The following DENND1A variants were observed in gnomAD, a reference collection of about 807,000 sequenced individuals.
The protein encoded by DENND1A is DENN domain containing 1A, also known as DENN domain-containing protein 1A.
In DENND1A, 51 loss-of-function variants were observed where a neutral mutation model predicts 113.7. The ratio of observed to expected loss-of-function variants is 0.45; its 90% confidence interval spans 0.36 to 0.57. The LOEUF (loss-of-function observed/expected upper bound fraction) is 0.57, where lower values mean the gene tolerates loss of function less well. Ranked by LOEUF, DENND1A falls within the 20% of genes least tolerant of loss-of-function variation. The pLI, the probability that DENND1A is intolerant of heterozygous loss-of-function variation, is 0.00. For synonymous variants in DENND1A, 565 were observed against 570.8 expected (o/e 0.99, Z 0.14); for missense variants, 1,258 against 1,395.9 (o/e 0.90, Z 1.57).
chr9:123,507,783 C>G (rs1374594121), intron 13 of DENND1A, among the ~76,000 whole-genome samples: 1 of 151,540 alleles, frequency 6.6e-6, no homozygotes, highest in Non-Finnish European at 1.5e-5. Context: ...ATGATCAGGC[C>G]ACTGCACTGC....
intron 5 of DENND1A, among the ~76,000 whole-genome samples, chr9:123,694,956 C>G (rs1390870607): frequency 6.6e-6 from 1 of 152,104 alleles, no homozygotes; most frequent in Non-Finnish European, 1.5e-5. Context: ...GCAGATCCAC[C>G]CTTAATCTGG....
intron 12 of DENND1A, among the ~76,000 whole-genome samples, chr9:123,558,352 T>C (rs1366192377): frequency 6.6e-6 from 1 of 152,218 alleles, no homozygotes; most frequent in African/African-American, 2.4e-5. Context: ...AAAGGCTTAT[T>C]TATATTTCTC....
intron 13 of DENND1A, among the ~76,000 whole-genome samples, chr9:123,497,293 C>T (rs745378948): frequency 2.6e-5 from 4 of 152,180 alleles, no homozygotes; most frequent in East Asian, 3.8e-4. Context: ...TGACAGAGCA[C>T]GAACAATTGT....
chr9:123,383,463 C>T (rs1049730364), intron 23 of DENND1A, among the ~76,000 whole-genome samples, 192 bp downstream of exon 23: 7 of 152,176 alleles, frequency 4.6e-5, no homozygotes, highest in African/African-American at 9.7e-5. Flanking sequence ...CTTCTCCTAC[C>T]GTCACTGTTA....
intron 23 of DENND1A, among the ~76,000 whole-genome samples, chr9:123,382,965 G>T (rs1404574204): frequency 6.6e-6 from 1 of 152,262 alleles, no homozygotes; most frequent in Non-Finnish European, 1.5e-5. Flanking sequence ...AAGCCCGGGG[G>T]CGCGAGTGAG....
At chr9:123,576,232 T>A (rs1471510452) in intron 12 of DENND1A, among the ~76,000 whole-genome samples, 5 of 152,198 alleles carry the variant, frequency 3.3e-5, no homozygotes, top group African/African-American at 1.2e-4. Flanking sequence ...ATACTTCTAT[T>A]CTCCACCCCC....
At chr9:123,816,545 T>C (rs1837521967) in intron 2 of DENND1A, among the ~76,000 whole-genome samples, 1 of 152,210 alleles carries the variant, frequency 6.6e-6, no homozygotes, top group African/African-American at 2.4e-5. Context: ...AAACTTATTA[T>C]AATATAATAT....
chr9:123,716,203 C>A (rs1253635313), intron 5 of DENND1A, among the ~76,000 whole-genome samples: 1 of 152,158 alleles, frequency 6.6e-6, no homozygotes, highest in Non-Finnish European at 1.5e-5. Context: ...ATTTTCCCTG[C>A]AATCATTGTT....
chr9:123,903,457 G>A (rs1210510146), intron 1 of DENND1A, among the ~76,000 whole-genome samples: 1 of 151,978 alleles, frequency 6.6e-6, no homozygotes, highest in African/African-American at 2.4e-5. Context: ...TCCATCTGAG[G>A]TACCGGGTTG....
chr9:123,651,109 CATACTT>C (rs1288542660), intron 9 of DENND1A, among the ~76,000 whole-genome samples: 6 of 151,572 alleles, frequency 4.0e-5, no homozygotes, highest in African/African-American at 1.5e-4. Flanking sequence ...AATGTGAACT[CATACTT>C]AGCAAGTGAA....
chr9:123,909,512 A>G (rs1000514941), intron 1 of DENND1A, among the ~76,000 whole-genome samples: 11 of 152,038 alleles, frequency 7.2e-5, no homozygotes, highest in African/African-American at 2.7e-4. Flanking sequence ...AAAAACTCTC[A>G]GCAACGTAAA....
chr9:123,903,280 C>T (rs1257126249), intron 1 of DENND1A, among the ~76,000 whole-genome samples: 13 of 132,556 alleles, frequency 9.8e-5, no homozygotes, highest in South Asian at 4.8e-4. Context: ...TGCAGTGAGC[C>T]GAGATCCCGC....
chr9:123,441,879 T>A (rs1294132492), intron 18 of DENND1A, among the ~76,000 whole-genome samples: 1 of 152,254 alleles, frequency 6.6e-6, no homozygotes, highest in African/African-American at 2.4e-5. Context: ...AGAAACTTGA[T>A]ACTTGGTTGC....
chr9:123,460,132 A>G (rs2133023214), intron 13 of DENND1A, among the ~76,000 whole-genome samples: 1 of 152,338 alleles, frequency 6.6e-6, no homozygotes, highest in African/African-American at 2.4e-5. Flanking sequence ...CTGGAGCAAG[A>G]AGGAAAACAA....
intron 6 of DENND1A, among the ~76,000 whole-genome samples, chr9:123,673,489 T>C (rs2063865602): frequency 1.3e-5 from 2 of 152,238 alleles, no homozygotes; most frequent in African/African-American, 4.8e-5. Context: ...TTCAGGTTCA[T>C]CTTATACTTT....
At chr9:123,693,609 A>G (rs1375841122) in intron 5 of DENND1A, among the ~76,000 whole-genome samples, 1 of 151,820 alleles carries the variant, frequency 6.6e-6, no homozygotes, top group African/African-American at 2.4e-5. Context: ...GCTACACTGT[A>G]TATTTTAGCT....
chr9:123,384,508 G>A (rs2042456036), intron 22 of DENND1A, among the ~76,000 whole-genome samples: 1 of 152,244 alleles, frequency 6.6e-6, no homozygotes, highest in South Asian at 2.1e-4. Context: ...TGCTCAGGTG[G>A]TGGTGGTGGT....
chr9:123,912,951 C>G (rs953106054), intron 1 of DENND1A, among the ~76,000 whole-genome samples: 3 of 151,998 alleles, frequency 2.0e-5, no homozygotes, highest in African/African-American at 4.8e-5. Flanking sequence ...TACTAGGGAG[C>G]CAGAACTCCC....
At chr9:123,630,350 G>A in intron 10 of DENND1A, 26 bp downstream of exon 10, 1 of 1,543,932 alleles carries the variant, frequency 6.5e-7, no homozygotes, top group Non-Finnish European at 8.8e-7. Flanking sequence ...CAAAGGAGAA[G>A]CAGAGGACAG....
Sources: allele counts gnomAD v4.1 joint callset (sites outside exome capture counted in the v4.1 genomes callset), GRCh38; gene constraint gnomAD v4.1.1; transcripts MANE v1.5; gene names NCBI Gene and HGNC (gene_info 2026-07-23, HGNC 2026-07-21).